The following ZFHX3 variants were observed in gnomAD, a reference collection of about 807,000 sequenced individuals.
ZFHX3 encodes the protein zinc finger homeobox protein 3.
ZFHX3 carries 42 observed loss-of-function variants against 279.1 expected under a neutral mutation model. The observed-to-expected ratio is 0.15, with a 90% confidence interval of 0.12 to 0.19. The LOEUF (loss-of-function observed/expected upper bound fraction) is 0.19, where lower values mean the gene tolerates loss of function less well. ZFHX3 is among the 10% of genes least tolerant of loss of function. ZFHX3 has a pLI of 1.00. For synonymous variants in ZFHX3, 2,293 were observed against 1,957.8 expected (o/e 1.17, Z -4.52); for missense variants, 4,981 against 4,754.0 (o/e 1.05, Z -1.40).
chr16:73,704,325 C>T (rs911697426), intron 1 of ZFHX3, among the ~76,000 whole-genome samples: 18 of 152,154 alleles, frequency 1.2e-4, no homozygotes, highest in African/African-American at 4.1e-4. Context: ...CATTTGTTCA[C>T]CATGCAACTG....
intron 5 of ZFHX3, among the ~76,000 whole-genome samples, chr16:73,154,678 G>A (rs1177998340): frequency 2.0e-5 from 3 of 152,084 alleles, no homozygotes; most frequent in African/African-American, 7.2e-5. Context: ...GGTAATTTGA[G>A]GCTTTGAAAA....
At chr16:73,480,279 A>C (rs2018841754) in intron 2 of ZFHX3, among the ~76,000 whole-genome samples, 1 of 151,978 alleles carries the variant, frequency 6.6e-6, no homozygotes. Flanking sequence ...GTTTGGTAGT[A>C]GGCTCCGATT....
At chr16:73,751,076 ACT>A (rs1371818889) in intron 1 of ZFHX3, among the ~76,000 whole-genome samples, 1 of 152,106 alleles carries the variant, frequency 6.6e-6, no homozygotes, top group Non-Finnish European at 1.5e-5. Flanking sequence ...AAGTGTGGTG[ACT>A]CTGTTGTGGG....
intron 7 of ZFHX3, chr16:72,809,374 G>C (rs145428959): frequency 2.0e-5 from 3 of 152,096 alleles, no homozygotes; most frequent in Non-Finnish European, 4.4e-5. Context: ...CCATCAGATG[G>C]GAAGTACAAT....
chr16:73,326,792 T>C lies in ZFHX3; in HGVS notation c.-1290-8456A>G, dbSNP rs182067041. On this transcript the variant is annotated intron_variant, in intron 3 of 17. Coordinates refer to the ZFHX3 transcript ENST00000641206. ...AGTGAATAATATCTCAGAAAAGTTC[T>C]TAACAAAACCTGAAGCTATAGCCCC... is the stretch of plus-strand genomic sequence containing the variant. Among the ~76,000 whole-genome samples the C allele has an allele frequency of 2.9e-3, 438 of 152,332 alleles. 3 individuals carry two copies. The highest frequency in any genetic ancestry group is 9.3e-3 in the African/African-American group (385 of 41,572).
intron 5 of ZFHX3, among the ~76,000 whole-genome samples, chr16:73,169,287 T>G (rs1261283946): frequency 7.9e-5 from 12 of 152,214 alleles, no homozygotes; most frequent in Admixed American, 7.9e-4. Flanking sequence ...AAGGGCATAC[T>G]CTGAACTTTT....
At chr16:73,601,113 T>C (rs969462897) in intron 2 of ZFHX3, among the ~76,000 whole-genome samples, 1 of 151,944 alleles carries the variant, frequency 6.6e-6, no homozygotes, top group Non-Finnish European at 1.5e-5. Flanking sequence ...ATGAAGCATA[T>C]ACTGCCTTGG....
At chr16:73,700,834 T>C (rs1250090857) in intron 1 of ZFHX3, among the ~76,000 whole-genome samples, 1 of 152,206 alleles carries the variant, frequency 6.6e-6, no homozygotes, top group Non-Finnish European at 1.5e-5. Flanking sequence ...TGTACTTTTA[T>C]TTTTTTAGTA....
chr16:72,948,354 C>T (rs186286347), intron 3 of ZFHX3, among the ~76,000 whole-genome samples: 3 of 152,274 alleles, frequency 2.0e-5, no homozygotes, highest in East Asian at 3.9e-4. Context: ...CTTCTACCCA[C>T]GCCATCTTTT....
intron 1 of ZFHX3, among the ~76,000 whole-genome samples, chr16:73,761,920 C>A (rs111554837): frequency 6.6e-6 from 1 of 151,852 alleles, no homozygotes; most frequent in Non-Finnish European, 1.5e-5. Context: ...GACATAGGCA[C>A]GGGTAAAAAT....
In ZFHX3 at chr16:72,928,207, G is replaced by A. The variant is rs1170263633; in HGVS notation, c.3216+22262C>T. 1.4e-4 allele frequency among the ~76,000 whole-genome samples: 8 copies of A among 56,476 alleles called. 2 individuals are homozygous for A. Among genetic ancestry groups the A allele is most frequent in the South Asian group, 1.3e-3 (2 of 1,538 alleles). 37.1% of individuals were successfully genotyped at this position (56,476 alleles called of 152,430 possible). A position where few individuals can be genotyped will look rare whatever the true frequency, so the allele number is the denominator to read the frequency against. The stretch of plus-strand genomic sequence containing the variant: ...AGAGGGAGGGGGAGGGGAGCGAGGG[G>A]GAGCGAAGGGGAGCGAGGGGGAGCG... On this transcript the variant is annotated intron_variant, in intron 3 of 9. Transcript: ENST00000268489.
chr16:73,332,839 C>T (rs2015832134), intron 3 of ZFHX3, among the ~76,000 whole-genome samples: 1 of 152,270 alleles, frequency 6.6e-6, no homozygotes, highest in Admixed American at 6.5e-5. Flanking sequence ...GTACAGTTTC[C>T]AAGAGAGAAA....
At chr16:73,013,383 G>C (rs1002723275) in intron 1 of ZFHX3, among the ~76,000 whole-genome samples, 5 of 152,090 alleles carry the variant, frequency 3.3e-5, no homozygotes, top group African/African-American at 1.2e-4. Context: ...TGCCTCCCTG[G>C]CTCAAGCGAT....
chr16:73,721,094 C>A (rs114835464), intron 1 of ZFHX3, among the ~76,000 whole-genome samples: 2 of 151,964 alleles, frequency 1.3e-5, no homozygotes, highest in African/African-American at 4.8e-5. Flanking sequence ...TAAGAAGAAC[C>A]AAGTTCTTCT....
chr16:73,309,160 G>A (rs558880767), intron 4 of ZFHX3, among the ~76,000 whole-genome samples: 1 of 152,174 alleles, frequency 6.6e-6, no homozygotes, highest in East Asian at 1.9e-4. Flanking sequence ...TCTGTTTTAT[G>A]GACTATTTTG....
At chr16:73,780,604 G>A (rs376217413) in intron 1 of ZFHX3, among the ~76,000 whole-genome samples, 15 of 152,064 alleles carry the variant, frequency 9.9e-5, no homozygotes, top group Admixed American at 6.5e-4. Context: ...ACCACGCCCA[G>A]CTAATTTTTG....
chr16:73,325,928 A>ACAAACACACACACACAC, intron 3 of ZFHX3, among the ~76,000 whole-genome samples: 3 of 145,570 alleles, frequency 2.1e-5, no homozygotes, highest in Admixed American at 7.1e-5. Flanking sequence ...CACACACACA[A>ACAAACACACACACACAC]ACACACACAC....
At chr16:73,122,025 T>G (rs781573221) in intron 7 of ZFHX3, among the ~76,000 whole-genome samples, 1 of 152,208 alleles carries the variant, frequency 6.6e-6, no homozygotes, top group Non-Finnish European at 1.5e-5. Flanking sequence ...TCATGAATAT[T>G]AATTCATATT....
In ZFHX3 at chr16:73,851,020, AT is replaced by A. The variant is rs77680684; in HGVS notation, c.-1608+40630del. On this transcript the variant is annotated intron_variant, in intron 1 of 17. Transcript: ENST00000641206. Reference sequence around the variant, plus strand: ...ATCCTTTTTTTCCCCCTCCTTCAAAATTTTCCTTTTATTAAAATATATTGTG... The same window carrying A: ...ATCCTTTTTTTCCCCCTCCTTCAAAATTTCCTTTTATTAAAATATATTGTG... 5.9e-3 allele frequency among the ~76,000 whole-genome samples: 891 copies of A among 152,034 alleles called. 10 individuals carry two copies. Among genetic ancestry groups the A allele is most frequent in the African/African-American group, 0.021 (857 of 41,434 alleles).
Sources: gnomAD v4.1 joint callset for allele counts (sites outside exome capture counted in the v4.1 genomes callset) on GRCh38, gnomAD v4.1.1 for gene constraint, MANE v1.5 for transcripts, NCBI Gene and HGNC (gene_info 2026-07-23, HGNC 2026-07-21) for gene names.